Variants in IL3RA observed in about 807,000 individuals in gnomAD.
IL3RA encodes the protein interleukin 3 receptor subunit alpha.
In IL3RA, 73 loss-of-function variants were observed where a neutral mutation model predicts 52.3. The ratio of observed to expected loss-of-function variants is 1.40; its 90% CI spans 1.16 to 1.70. The LOEUF (loss-of-function observed/expected upper bound fraction) is 1.70. IL3RA is among the 40% of genes most tolerant of loss of function. The pLI is 0.00. For missense variants in IL3RA, 664 were observed against 504.4 expected (o/e 1.32, Z -3.03); for synonymous variants, 260 against 194.0 (o/e 1.34, Z -2.83).
chrX:1,340,439 A>G (rs1721964615), intron 1 of IL3RA, among the ~76,000 whole-genome samples: 2 of 152,052 alleles, frequency 1.3e-5, no homozygotes, highest in South Asian at 4.1e-4. Context: ...TCAAAAGGGA[A>G]CGGCTGACAC....
chrX:1,345,213 G>A, intron 2 of IL3RA, 103 bp from the exon 3 acceptor site: 1 of 663,416 alleles, frequency 1.5e-6, no homozygotes, highest in Non-Finnish European at 2.6e-6. Flanking sequence ...CCTCCCAAAG[G>A]TATTGGCTAA....
At chrX:1,354,653 TG>T (rs2086496182) in intron 6 of IL3RA, among the ~76,000 whole-genome samples, 1 of 10,172 alleles carries the variant, frequency 9.8e-5, no homozygotes, top group Non-Finnish European at 1.7e-4. Flanking sequence ...GAGGTGGAGA[TG>T]GGGAGGGGAG....
At chrX:1,352,618 A>G in intron 6 of IL3RA, 112 bp downstream of exon 6, 1 of 1,127,828 alleles carries the variant, frequency 8.9e-7, no homozygotes, top group Non-Finnish European at 1.3e-6. Flanking sequence ...TTGGCCTCTC[A>G]CATTTCCAGA....
intron 1 of IL3RA, among the ~76,000 whole-genome samples, chrX:1,339,073 C>G (rs2085396572): frequency 1.3e-5 from 2 of 152,072 alleles, no homozygotes; most frequent in Non-Finnish European, 1.5e-5. Flanking sequence ...CTCCTGACCT[C>G]AAGCAATCCA....
At position 1,381,822 on chromosome X, in the gene IL3RA, A is replaced by G. The variant is rs570473382; in HGVS notation, c.1063-569A>G. On this transcript the variant is annotated intron_variant, in intron 11 of 11. Coordinates refer to ENST00000331035, the MANE Select transcript of IL3RA (RefSeq NM_002183.4). ...CTCCCAAAGTGCTGGGATTACAGGC[A>G]TGAGCCACCATGCCCAGCCTAGTTT... Among the ~76,000 whole-genome samples the G allele has an allele frequency of 1.3e-4, 19 of 148,826 alleles. 1 individual carries two copies. In the South Asian group the frequency reaches 4.1e-3, roughly 32 times the overall value.
chrX:1,342,906 C>G (rs2085547468), intron 2 of IL3RA, among the ~76,000 whole-genome samples: 2 of 151,452 alleles, frequency 1.3e-5, no homozygotes, highest in African/African-American at 4.8e-5. Flanking sequence ...GAAACCCCGT[C>G]TCTACTAAAA....
At position 1,382,626 on chromosome X, in the gene IL3RA, AG is replaced by A; in HGVS notation, c.*163del. On this transcript the variant is annotated 3_prime_UTR_variant, in exon 12 of 12. Coordinates refer to ENST00000331035, the MANE Select transcript of IL3RA (RefSeq NM_002183.4). ...CTGTGTAATTTCGTCCGAAGCTGCC[AG>A]GAAGAAGAACAGAACTTTGTGTGTT... 1.5e-6 allele frequency: 1 copy of A among 676,858 alleles called. No homozygotes were observed. Among genetic ancestry groups the A allele is most frequent in the Non-Finnish European group, 2.7e-6 (1 of 373,418 alleles). 41.9% of individuals were successfully genotyped at this position (676,858 alleles called of 1,614,324 possible).
intron 4 of IL3RA, among the ~76,000 whole-genome samples, chrX:1,351,482 T>C (rs1207989945): frequency 6.7e-6 from 1 of 150,076 alleles, no homozygotes; most frequent in African/African-American, 2.5e-5. Flanking sequence ...CGGCCCGACA[T>C]CACGCCCGGC....
chrX:1,357,945 AC>A (rs1480752122), intron 7 of IL3RA, among the ~76,000 whole-genome samples: 35 of 150,960 alleles, frequency 2.3e-4, no homozygotes, highest in African/African-American at 8.0e-4. Context: ...TACTAAAAAT[AC>A]AAAAAAAAAT....
chrX:1,355,893 A>G (rs1196260243), intron 6 of IL3RA, among the ~76,000 whole-genome samples: 1 of 152,004 alleles, frequency 6.6e-6, no homozygotes, highest in Non-Finnish European at 1.5e-5. Context: ...GGGCAGGGAC[A>G]AAGATGTGCA....
rs760714084 is a variant in IL3RA at position 1,381,121 on chromosome X, G to A, written c.1062+17G>A. The stretch of plus-strand genomic sequence containing the variant: ...GACAAGCTGGTATGTTGTTTTTTCT[G>A]CCTTGGGACGGGTCTGGAGGCGTGG... On this transcript the variant is annotated intron_variant, in intron 11 of 11. Transcript: ENST00000331035. 3 of 1,612,990 alleles carry A rather than the reference G, an allele frequency of 1.9e-6. No homozygotes were observed. In the East Asian group the frequency reaches 6.7e-5, roughly 36 times the overall value.
intron 8 of IL3RA, among the ~76,000 whole-genome samples, chrX:1,361,602 T>C (rs1212322927): frequency 1.6e-4 from 25 of 151,686 alleles, no homozygotes; most frequent in Non-Finnish European, 3.1e-4. Flanking sequence ...TAAAAAAAAT[T>C]ACCCAGACGT....
intron 8 of IL3RA, among the ~76,000 whole-genome samples, chrX:1,363,729 T>C (rs2087676791): frequency 6.6e-6 from 1 of 151,674 alleles, no homozygotes; most frequent in Non-Finnish European, 1.5e-5. Flanking sequence ...TTTGTTTGGT[T>C]TTTAATTTCA....
At chrX:1,368,031 G>C (rs1291756989) in intron 9 of IL3RA, among the ~76,000 whole-genome samples, 2 of 152,016 alleles carry the variant, frequency 1.3e-5, no homozygotes, top group Non-Finnish European at 2.9e-5. Context: ...AGACCGAGGC[G>C]GGCGGATCAC....
intron 9 of IL3RA, among the ~76,000 whole-genome samples, chrX:1,368,251 G>A (rs17884121): frequency 0.39 from 59,745 of 151,590 alleles, 12,043 homozygotes; most frequent in Admixed American, 0.47. Context: ...CGACAAGAGC[G>A]AGACTCCATC....
At chrX:1,337,910 C>T (rs757524596) in intron 1 of IL3RA, among the ~76,000 whole-genome samples, 1 of 148,402 alleles carries the variant, frequency 6.7e-6, no homozygotes, top group Non-Finnish European at 1.5e-5. Flanking sequence ...ATAATGTGGT[C>T]CAGCCACACA....
chrX:1,368,598 G>T (rs746259801), intron 9 of IL3RA, among the ~76,000 whole-genome samples: 63 of 152,242 alleles, frequency 4.1e-4, no homozygotes, highest in Admixed American at 1.4e-3. Flanking sequence ...TTAAAGAGGC[G>T]ATTAAGGTAA....
At position 1,382,655 on chromosome X, in the gene IL3RA, T is replaced by C. The variant is rs2089234777; in HGVS notation, c.*190T>C. 3.2e-6 allele frequency: 2 copies of C among 617,458 alleles called. No individual in the cohort carries two copies. The highest frequency in any genetic ancestry group is 5.8e-6 in the Non-Finnish European group (2 of 341,910). 38.2% of individuals were successfully genotyped at this position (617,458 alleles called of 1,614,324 possible). A position where few individuals can be genotyped will look rare whatever the true frequency, so the allele number is the denominator to read the frequency against. On this transcript the variant is annotated 3_prime_UTR_variant, in exon 12 of 12. Transcript: ENST00000331035. ...AGAAGAACAGAACTTTGTGTGTTTA[T>C]TTCATGATAAAGTGATTTTTTTTTT...
At chrX:1,368,087 G>A (rs1400614151) in intron 9 of IL3RA, among the ~76,000 whole-genome samples, 8 of 152,000 alleles carry the variant, frequency 5.3e-5, no homozygotes, top group South Asian at 2.1e-4. Context: ...GTGAAACCCG[G>A]TCTCTACAAA....
Sources: allele counts gnomAD v4.1 joint callset (sites outside exome capture counted in the v4.1 genomes callset), GRCh38; gene constraint gnomAD v4.1.1; transcripts MANE v1.5; gene names NCBI Gene and HGNC (gene_info 2026-07-23, HGNC 2026-07-21).